The following MIA2 variants were observed in gnomAD, a reference collection of about 807,000 sequenced individuals.
MIA2 encodes the protein MIA SH3 domain ER export factor 2, also known as melanoma inhibitory activity protein 2.
A neutral mutation model predicts 167.8 loss-of-function variants in MIA2; 127 were observed. The observed-to-expected ratio is 0.76, with a 90% CI of 0.66 to 0.88. The LOEUF (loss-of-function observed/expected upper bound fraction) is 0.88. Among genes scored for constraint, MIA2 ranks in the 40% least tolerant of loss-of-function variants. The pLI, the probability that MIA2 is intolerant of heterozygous loss-of-function variation, is 0.00. For synonymous variants in MIA2, 552 were observed against 541.9 expected (o/e 1.02, Z -0.26); for missense variants, 1,690 against 1,624.7 (o/e 1.04, Z -0.69).
At chr14:39,282,859 C>T (rs2059141702) in intron 9 of MIA2, among the ~76,000 whole-genome samples, 3 of 152,214 alleles carry the variant, frequency 2.0e-5, no homozygotes. Context: ...AGGCATGAGC[C>T]ACCATACCCG....
At chr14:39,349,100 C>A in intron 28 of MIA2, 123 bp downstream of exon 28, 1 of 1,226,068 alleles carries the variant, frequency 8.2e-7, no homozygotes, top group Non-Finnish European at 1.1e-6. Context: ...TTCTGTGAAT[C>A]TGAAAATTCT....
chr14:39,363,956 C>A (rs1412173049), intron 23 of MIA2, among the ~76,000 whole-genome samples: 1 of 152,042 alleles, frequency 6.6e-6, no homozygotes, highest in East Asian at 1.9e-4. Context: ...TAGTTTGGTT[C>A]TGGTTTTTAA....
At position 39,277,774 on chromosome 14, in the gene MIA2, A is replaced by ATGTGTG. The variant is rs2058369092; in HGVS notation, c.2019+710_2019+711insGTGTGT. 2.4e-4 allele frequency among the ~76,000 whole-genome samples: 11 copies of ATGTGTG among 45,408 alleles called. 1 individual carries two copies. The highest frequency in any genetic ancestry group is 6.8e-4 in the Admixed American group (2 of 2,920). 29.8% of individuals were successfully genotyped at this position (45,408 alleles called of 152,430 possible). A position where few individuals can be genotyped will look rare whatever the true frequency, so the allele number is the denominator to read the frequency against. ...TATATATATATATATATATATATAT[A>ATGTGTG]TATATATTTATATTTAAAGAGATGG... On this transcript the variant is annotated intron_variant, in intron 7 of 28. Transcript: ENST00000640607.
At chr14:39,344,378 T>G (rs1030645243) in intron 25 of MIA2, among the ~76,000 whole-genome samples, 11 of 152,208 alleles carry the variant, frequency 7.2e-5, no homozygotes, top group Admixed American at 5.9e-4. Context: ...TGAGTTTAGA[T>G]CTCAGTGATT....
intron 15 of MIA2, 81 bp downstream of exon 15, chr14:39,302,330 G>C: frequency 2.0e-6 from 3 of 1,486,680 alleles, no homozygotes; most frequent in Non-Finnish European, 2.8e-6. Context: ...TGTGCACCAT[G>C]TTCTTTATAT....
At chr14:39,377,449 AAAG>A (rs1294460211) in intron 23 of MIA2, among the ~76,000 whole-genome samples, 29 of 152,208 alleles carry the variant, frequency 1.9e-4, no homozygotes, top group African/African-American at 2.7e-4. Flanking sequence ...AAATGGAAAA[AAAG>A]AAGGAAAAGA....
At chr14:39,342,045 T>G (rs2067569411) in intron 25 of MIA2, among the ~76,000 whole-genome samples, 1 of 150,354 alleles carries the variant, frequency 6.7e-6, no homozygotes, top group Admixed American at 6.6e-5. Context: ...TACTCTAAGT[T>G]TTAGGGTTCA....
chr14:39,337,034 G>A (rs2070577236), intron 25 of MIA2, among the ~76,000 whole-genome samples: 1 of 152,130 alleles, frequency 6.6e-6, no homozygotes, highest in Non-Finnish European at 1.5e-5. Flanking sequence ...GGGGATTACA[G>A]GCACGAGCCA....
rs2058103422 is a variant in MIA2, at chr14:39,277,059, T to C, written c.2013T>C (p.Phe671=). 1 of 1,613,624 alleles carries C rather than the reference T, an allele frequency of 6.2e-7. No homozygotes were observed. Among genetic ancestry groups the C allele is most frequent in the Non-Finnish European group, 8.5e-7 (1 of 1,179,812 alleles). Residue 671 remains phenylalanine (F), a synonymous_variant, in exon 7 of 29, where the codon TTT becomes TTC. Transcript: ENST00000640607. ...TTCTCTTTTTTTTGTGGAGAAGTTT[T>C]AGATCGGTAAGTAACCAGTGCTATA... ...FAVLFFLWRS[F]RSVRSRLYVG... is the part of the protein sequence containing the mutation.
In MIA2 at chr14:39,236,966, G is replaced by A; in HGVS notation, c.160G>A (p.Asp54Asn). 6.2e-7 allele frequency: 1 copy of A among 1,614,028 alleles called. No individual in the cohort carries two copies. The part of the protein sequence containing the change: ...VSAMRDYRGP[D>N]CRYLNFTKGE... ...AGCCATGAGAGATTATAGAGGACCTGACTGCCGATACCTGAACTTCACTAA... is the reference window on the plus strand; with the variant it reads ...AGCCATGAGAGATTATAGAGGACCTAACTGCCGATACCTGAACTTCACTAA... The change falls in exon 2 of 29, where the codon GAC (aspartate) becomes AAC (asparagine). Residue 54 changes from aspartate (D) to asparagine (N), a missense_variant. Transcript: ENST00000640607.
Position 39,321,030 on chromosome 14 carries a change from C to T in MIA2, c.3470C>T (p.Pro1157Leu). 1 of 1,613,282 alleles carries T rather than the reference C, an allele frequency of 6.2e-7. No individual in the cohort carries two copies. Among genetic ancestry groups the T allele is most frequent in the East Asian group, 2.2e-5 (1 of 44,846 alleles). ...TLLEGPLRLS[P>L]LLPGGGGRGS... ...TTGGAGGGTCCACTCAGACTCTCAC[C>T]TTTGCTTCCAGGGGGAGGAGGAAGA... Residue 1157 changes from proline (P) to leucine (L), a missense_variant, in exon 24 of 29, where the codon CCT becomes CTT. Physicochemically the swap from Pro to Leu is moderately conservative, Grantham distance 98 (BLOSUM62 -3). Transcript: ENST00000640607.
Position 39,323,970 on chromosome 14 carries a change from T to C in MIA2, c.3497-2894T>C, listed in dbSNP as rs555806297. Among the ~76,000 whole-genome samples, 3 of 152,372 alleles carry C rather than the reference T, an allele frequency of 2.0e-5. No individual in the cohort carries two copies. In the South Asian group the frequency reaches 6.2e-4, roughly 32 times the overall value. On this transcript the variant is annotated intron_variant, in intron 24 of 28. Coordinates refer to ENST00000640607, the MANE Select transcript of MIA2 (RefSeq NM_001329214.4). The stretch of plus-strand genomic sequence containing the variant: ...AGAGTTGATCCGAACTAAAAGTTTC[T>C]ATGATCCACCAAAGGAGGATGGAGA...
intron 2 of MIA2, among the ~76,000 whole-genome samples, chr14:39,237,689 G>A (rs1200244659): frequency 6.6e-6 from 1 of 152,084 alleles, no homozygotes; most frequent in South Asian, 2.1e-4. Context: ...CATATTATGG[G>A]ATGGCTAGGC....
chr14:39,306,811 G>C (rs1235210963), intron 17 of MIA2, among the ~76,000 whole-genome samples: 1 of 152,050 alleles, frequency 6.6e-6, no homozygotes, highest in Admixed American at 6.6e-5. Context: ...GAGGAGTTGA[G>C]GTTATTATCT....
chr14:39,386,645 G>T, intron 23 of MIA2: 1 of 1,042,888 alleles, frequency 9.6e-7, no homozygotes, highest in Non-Finnish European at 1.5e-6. Flanking sequence ...TCTGATCTGT[G>T]ACAGCTTTTG....
chr14:39,308,678 T>G (rs2063738378), intron 18 of MIA2, 91 bp downstream of exon 18: 8 of 1,053,266 alleles, frequency 7.6e-6, no homozygotes, highest in Non-Finnish European at 1.1e-5. Context: ...TTATTGAAAG[T>G]TCTCAATTTA....
chr14:39,287,814 G>T (rs2060029391), intron 9 of MIA2, among the ~76,000 whole-genome samples: 1 of 151,972 alleles, frequency 6.6e-6, no homozygotes, highest in South Asian at 2.1e-4. Context: ...GCCCGCCTCG[G>T]CCTCCCAAAG....
rs747569644 is a variant in MIA2, at chr14:39,247,292, G to T, written c.718G>T (p.Glu240Ter). 1 of 1,613,814 alleles carries T rather than the reference G, an allele frequency of 6.2e-7. No homozygotes were observed. The highest frequency in any genetic ancestry group is 8.5e-7 in the Non-Finnish European group (1 of 1,179,932). Residue 240 changes from glutamate (E) to a stop codon, truncating the protein, a stop_gained, in exon 4 of 29, where the codon GAA becomes TAA. Transcript: ENST00000640607. LOFTEE classifies it high-confidence loss of function. Reference protein sequence around the residue: ...GGEQAEEKAFESVIEPVQESS... With the variant: ...GGEQAEEKAF ...AGAACAAGCTGAAGAGAAGGCTTTT[G>T]AATCAGTTATTGAACCTGTACAAGA... is the stretch of plus-strand genomic sequence containing the variant.
intron 23 of MIA2, among the ~76,000 whole-genome samples, chr14:39,356,698 A>T (rs2074536823): frequency 6.6e-6 from 1 of 152,168 alleles, no homozygotes; most frequent in Admixed American, 6.5e-5. Flanking sequence ...TAGTGCTATA[A>T]ATTTCCCTCT....
Sources: allele counts gnomAD v4.1 joint callset (sites outside exome capture counted in the v4.1 genomes callset), GRCh38; gene constraint gnomAD v4.1.1; transcripts MANE v1.5; gene names NCBI Gene and HGNC (gene_info 2026-07-23, HGNC 2026-07-21).